The following CCDC171 variants were observed in gnomAD, a reference collection of about 807,000 sequenced individuals.
CCDC171 encodes coiled-coil domain-containing protein 171.
In CCDC171, 177 loss-of-function variants were observed where a neutral mutation model predicts 168.2. The observed-to-expected ratio is 1.05, with a 90% CI of 0.93 to 1.19. The LOEUF is 1.19. Ranked by LOEUF, CCDC171 falls within the 50% of genes most tolerant of loss-of-function variation. The probability of loss-of-function intolerance (pLI) is 0.00; values close to 1 mark genes in which losing one functional copy is unlikely to be tolerated. For missense variants in CCDC171, 1,991 were observed against 1,539.0 expected (o/e 1.29, Z -4.91); for synonymous variants, 687 against 540.8 (o/e 1.27, Z -3.75).
At position 15,860,579 on chromosome 9, in the gene CCDC171, T is replaced by C. The variant is rs1017604781; in HGVS notation, c.3468+11632T>C. ...AATTTTCCAGTTTTTCTTCTATACT[T>C]TGTTTCTGGTTTCATTTCATTATAG... On this transcript the variant is annotated intron_variant, in intron 23 of 25. Transcript: ENST00000380701. Among the ~76,000 whole-genome samples the C allele has an allele frequency of 2.6e-5, 4 of 152,034 alleles. No homozygotes were observed. In the South Asian group the frequency reaches 8.3e-4, roughly 31 times the overall value.
intron 9 of CCDC171, among the ~76,000 whole-genome samples, chr9:15,669,531 A>G (rs913557672): frequency 1.3e-4 from 20 of 152,148 alleles, no homozygotes; most frequent in African/African-American, 4.8e-4. Flanking sequence ...ATTGTTAACT[A>G]TAGTTGCCCT....
intron 7 of CCDC171, among the ~76,000 whole-genome samples, chr9:15,654,220 C>G (rs1361229888): frequency 6.6e-6 from 1 of 150,846 alleles, no homozygotes; most frequent in Non-Finnish European, 1.5e-5. Context: ...AAAACCAAAA[C>G]TATTTTCTAG....
chr9:15,899,489 C>A lies in CCDC171; in HGVS notation c.3601-20781C>A, dbSNP rs149234422. Among the ~76,000 whole-genome samples, 124 of 152,272 alleles carry A rather than the reference C, an allele frequency of 8.1e-4. 1 individual carries two copies. The highest frequency in any genetic ancestry group is 2.8e-3 in the African/African-American group (116 of 41,562). On this transcript the variant is annotated intron_variant, in intron 24 of 25. Transcript: ENST00000380701. ...AGATCCAGTTTCTCTGCTTCCTCGC[C>A]AGCACTTGGTGTTATCCCACTTTTT...
At chr9:15,730,243 T>G (rs1212587959) in intron 16 of CCDC171, among the ~76,000 whole-genome samples, 1 of 151,910 alleles carries the variant, frequency 6.6e-6, no homozygotes, top group Non-Finnish European at 1.5e-5. Flanking sequence ...GCTGATATTA[T>G]ATAAGGTTAT....
At chr9:15,937,814 T>C (rs556057645) in intron 25 of CCDC171, among the ~76,000 whole-genome samples, 15 of 152,072 alleles carry the variant, frequency 9.9e-5, no homozygotes, top group African/African-American at 2.6e-4. Flanking sequence ...GGCACATCTT[T>C]TTCTACTGGG....
At chr9:15,964,230 AT>A (rs1254682799) in intron 25 of CCDC171, among the ~76,000 whole-genome samples, 2 of 152,166 alleles carry the variant, frequency 1.3e-5, no homozygotes, top group Admixed American at 1.3e-4. Flanking sequence ...CTATTTTCTA[AT>A]TACATTATTT....
intron 7 of CCDC171, among the ~76,000 whole-genome samples, chr9:15,643,698 A>G (rs1366176769): frequency 2.0e-5 from 3 of 152,226 alleles, no homozygotes; most frequent in African/African-American, 7.2e-5. Context: ...AAGAAATTTC[A>G]TATACATTAG....
chr9:15,634,960 G>T (rs1032456978), intron 7 of CCDC171, among the ~76,000 whole-genome samples: 2 of 152,116 alleles, frequency 1.3e-5, no homozygotes, highest in Admixed American at 1.3e-4. Flanking sequence ...CCATGTTGCA[G>T]CATGTATTAG....
At chr9:15,897,344 A>T (rs532772658) in intron 24 of CCDC171, among the ~76,000 whole-genome samples, 2 of 151,854 alleles carry the variant, frequency 1.3e-5, no homozygotes, top group East Asian at 1.9e-4. Flanking sequence ...TCTAAGCTTA[A>T]TTTTTTCCCA....
chr9:15,797,576 A>G (rs1210797217), intron 21 of CCDC171, among the ~76,000 whole-genome samples: 2 of 151,986 alleles, frequency 1.3e-5, no homozygotes, highest in East Asian at 1.9e-4. Flanking sequence ...TTCTTTCTAT[A>G]TTCTCTATAT....
At chr9:15,833,793 T>G (rs965875192) in intron 21 of CCDC171, among the ~76,000 whole-genome samples, 4 of 152,154 alleles carry the variant, frequency 2.6e-5, no homozygotes, top group African/African-American at 7.2e-5. Flanking sequence ...TCATCTAACT[T>G]TTAAAACAAT....
intron 6 of CCDC171, among the ~76,000 whole-genome samples, chr9:15,605,763 C>T (rs192697705): frequency 1.3e-4 from 20 of 152,030 alleles, no homozygotes; most frequent in Admixed American, 1.1e-3. Flanking sequence ...GCCCCTTTCA[C>T]CTCTGATTTC....
At chr9:15,788,731 T>C (rs890493716) in intron 21 of CCDC171, among the ~76,000 whole-genome samples, 6 of 152,052 alleles carry the variant, frequency 3.9e-5, no homozygotes, top group South Asian at 2.1e-4. Context: ...AAAAATTTTT[T>C]TGTAGAGATG....
chr9:15,778,222 G>A (rs1265457550), intron 19 of CCDC171, among the ~76,000 whole-genome samples: 24 of 149,524 alleles, frequency 1.6e-4, no homozygotes, highest in Admixed American at 5.3e-4. Context: ...GCGTGAACCC[G>A]GGAAGCGGAG....
intron 11 of CCDC171, among the ~76,000 whole-genome samples, chr9:15,718,099 T>A (rs1218029379): frequency 6.6e-6 from 1 of 151,606 alleles, no homozygotes; most frequent in African/African-American, 2.4e-5. Context: ...CAAAGGGGAG[T>A]CTGCTGCCCT....
At chr9:15,810,470 A>G (rs2059294555) in intron 21 of CCDC171, among the ~76,000 whole-genome samples, 1 of 21,452 alleles carries the variant, frequency 4.7e-5, no homozygotes, top group African/African-American at 2.1e-4. Context: ...CGGGGAGGCT[A>G]GGGCCACTTG....
At chr9:15,603,143 A>G (rs1429927366) in intron 6 of CCDC171, among the ~76,000 whole-genome samples, 2 of 151,434 alleles carry the variant, frequency 1.3e-5, no homozygotes, top group East Asian at 1.9e-4. Context: ...CACCACGCCC[A>G]GCTAAGTTTT....
intron 1 of CCDC171, among the ~76,000 whole-genome samples, chr9:16,049,763 A>C (rs1006680420): frequency 6.6e-6 from 1 of 152,132 alleles, no homozygotes; most frequent in African/African-American, 2.4e-5. Flanking sequence ...TAATCATGTG[A>C]GCCAATTCCC....
intron 24 of CCDC171, among the ~76,000 whole-genome samples, chr9:15,909,201 C>T (rs148299430): frequency 1.9e-3 from 284 of 152,290 alleles, no homozygotes; most frequent in African/African-American, 6.1e-3. Flanking sequence ...CCTTCTACCC[C>T]GTCTCCTACC....
Sources: allele counts gnomAD v4.1 joint callset (sites outside exome capture counted in the v4.1 genomes callset), GRCh38; gene constraint gnomAD v4.1.1; transcripts MANE v1.5; gene names NCBI Gene and HGNC (gene_info 2026-07-23, HGNC 2026-07-21).